The following TAB1 variants were observed in gnomAD, a reference collection of about 807,000 sequenced individuals.
TAB1 encodes TGF-beta-activated kinase 1 and MAP3K7-binding protein 1.
TAB1 carries 30 observed loss-of-function variants against 54.5 expected under a neutral mutation model. The ratio of observed to expected loss-of-function variants is 0.55; its 90% CI spans 0.41 to 0.75. The LOEUF is 0.75. Among genes scored for constraint, TAB1 ranks in the 30% least tolerant of loss-of-function variants. The probability of loss-of-function intolerance (pLI) is 0.00; values close to 1 mark genes in which losing one functional copy is unlikely to be tolerated. For missense variants in TAB1, 609 were observed against 683.2 expected (o/e 0.89, Z 1.21); for synonymous variants, 289 against 286.9 (o/e 1.01, Z -0.07).
At chr22:39,417,610 G>C in intron 4 of TAB1, 101 bp from the exon 5 acceptor site, 1 of 1,245,970 alleles carries the variant, frequency 8.0e-7, no homozygotes, top group Non-Finnish European at 1.1e-6. Flanking sequence ...GACACAGCGA[G>C]ACTCCATCTC....
At chr22:39,412,495 C>T (rs1926650792) in intron 1 of TAB1, among the ~76,000 whole-genome samples, 1 of 152,038 alleles carries the variant, frequency 6.6e-6, no homozygotes, top group Non-Finnish European at 1.5e-5. Flanking sequence ...CACAGATGTG[C>T]GTGCCCCAGA....
chr22:39,417,589 G>A (rs1601692093), intron 4 of TAB1, 122 bp from the exon 5 acceptor site: 6 of 1,012,384 alleles, frequency 5.9e-6, no homozygotes, highest in Non-Finnish European at 8.4e-6. Context: ...CCACTGCACT[G>A]TAGCCTGGGG....
chr22:39,424,515 G>A (rs1927235991), intron 8 of TAB1, among the ~76,000 whole-genome samples: 1 of 148,712 alleles, frequency 6.7e-6, no homozygotes, highest in Non-Finnish European at 1.5e-5. Context: ...TGCAATCTCG[G>A]CTCACTGTAA....
chr22:39,429,117 C>T (rs1740840021), intron 10 of TAB1: 2 of 985,474 alleles, frequency 2.0e-6, no homozygotes, highest in African/African-American at 1.7e-5. Flanking sequence ...CTGTGTTCCT[C>T]ACTCCTTTCA....
At chr22:39,424,214 T>C (rs965896314) in intron 8 of TAB1, among the ~76,000 whole-genome samples, 4 of 152,252 alleles carry the variant, frequency 2.6e-5, no homozygotes, top group Non-Finnish European at 5.9e-5. Flanking sequence ...CCATAGTTTA[T>C]AGATACATTT....
intron 4 of TAB1, 38 bp downstream of exon 4, chr22:39,416,915 A>G (rs752162547): frequency 3.7e-6 from 6 of 1,602,230 alleles, no homozygotes; most frequent in East Asian, 4.5e-5. Flanking sequence ...AGTCAAGTCC[A>G]GGCCCAGCTT....
chr22:39,413,131 G>C (rs1392867218), intron 1 of TAB1, among the ~76,000 whole-genome samples: 1 of 151,838 alleles, frequency 6.6e-6, no homozygotes, highest in Non-Finnish European at 1.5e-5. Context: ...AGCCAGGATG[G>C]TCTCGATCTT....
chr22:39,421,814 T>A lies in TAB1; in HGVS notation c.777-13T>A. ...TTCCAAGCAAAGCTCTTCCTTCCACTCTCTCCCCATAGCGCTGCCAAGTCC... is the reference window on the plus strand; with the variant it reads ...TTCCAAGCAAAGCTCTTCCTTCCACACTCTCCCCATAGCGCTGCCAAGTCC... On this transcript the variant is annotated splice_polypyrimidine_tract_variant and intron_variant, in intron 7 of 10. Transcript: ENST00000216160. The A allele has an allele frequency of 6.2e-7, 1 of 1,613,700 alleles. No individual in the cohort carries two copies. The highest frequency in any genetic ancestry group is 8.5e-7 in the Non-Finnish European group (1 of 1,179,838).
chr22:39,415,971 T>G lies in TAB1; in HGVS notation c.324+318T>G, dbSNP rs1008830141. 6.6e-6 allele frequency among the ~76,000 whole-genome samples: 1 copy of G among 152,166 alleles called. No homozygotes were observed. Among genetic ancestry groups the G allele is most frequent in the Non-Finnish European group, 1.5e-5 (1 of 68,016 alleles). The stretch of plus-strand genomic sequence containing the variant: ...AAATGGGGTCATTTAGAGCTACCCC[T>G]TTCTTTCCTATGTGGTCAGGTGCTC... On this transcript the variant is annotated intron_variant, in intron 3 of 10. Transcript: ENST00000216160. The surrounding 1 kb of genome is among the most constrained non-coding windows in gnomAD (Gnocchi z 4.9).
Position 39,430,120 on chromosome 22 carries a change from G to A in TAB1, c.1413G>A (p.Pro471=), listed in dbSNP as rs145214942. The change falls in exon 11 of 11, where the codon CCG becomes CCA. Residue 471 remains proline (P), a synonymous_variant. Transcript: ENST00000216160. ...GCTCCCGGCCCGCCCACTCGCTCCC[G>A]CCTGGCGAGGACGGTCGTGTTGAGC... ...LFRSRPAHSL[P]PGEDGRVEPY... The A allele has an allele frequency of 8.9e-5, 143 of 1,613,990 alleles. No individual in the cohort carries two copies. Among genetic ancestry groups the A allele is most frequent in the Admixed American group, 6.0e-4 (36 of 60,028 alleles).
At position 39,414,510 on chromosome 22, in the gene TAB1, C is replaced by T. The variant is rs182317569; in HGVS notation, c.34-496C>T. ...TTTCTCCAGGCTGGGTCTTAGGTCA[C>T]CTGAAAGCATCACCCATGGGGAGCG... On this transcript the variant is annotated intron_variant, in intron 1 of 10. Coordinates refer to ENST00000216160, the MANE Select transcript of TAB1 (RefSeq NM_006116.3). Among the ~76,000 whole-genome samples, 3 of 152,350 alleles carry T rather than the reference C, an allele frequency of 2.0e-5. No individual in the cohort carries two copies. The East Asian group carries it at 5.8e-4, about 29-fold the overall frequency.
At chr22:39,418,299 T>A (rs568360326) in intron 5 of TAB1, among the ~76,000 whole-genome samples, 30 of 152,292 alleles carry the variant, frequency 2.0e-4, no homozygotes, top group South Asian at 6.2e-4. Flanking sequence ...TGCCTTTTTT[T>A]AATACTCCAG....
At chr22:39,427,056 G>C in intron 9 of TAB1, 131 bp downstream of exon 9, 3 of 901,666 alleles carry the variant, frequency 3.3e-6, no homozygotes, top group Middle Eastern at 3.5e-4. Flanking sequence ...TCTAATTCAG[G>C]TTCTCTGATT....
intron 7 of TAB1, among the ~76,000 whole-genome samples, chr22:39,420,459 C>T (rs924367425): frequency 6.6e-6 from 1 of 152,196 alleles, no homozygotes; most frequent in Non-Finnish European, 1.5e-5. Flanking sequence ...AATGTCATGG[C>T]CAAGGCTGTT....
At chr22:39,436,073 C>A (rs560769189), downstream of TAB1, among the ~76,000 whole-genome samples, 1 of 152,194 alleles carries the variant, frequency 6.6e-6, no homozygotes, top group South Asian at 2.1e-4. Flanking sequence ...AGGTGGATCA[C>A]CTGAGGTCAG....
intron 9 of TAB1, among the ~76,000 whole-genome samples, chr22:39,427,608 A>G (rs1389293661): frequency 6.6e-6 from 1 of 152,200 alleles, no homozygotes; most frequent in Non-Finnish European, 1.5e-5. Flanking sequence ...AGGCATCCAC[A>G]GACAGATTTG....
chr22:39,412,077 G>A (rs995591081), intron 1 of TAB1, among the ~76,000 whole-genome samples: 10 of 152,120 alleles, frequency 6.6e-5, no homozygotes, highest in Admixed American at 2.0e-4. Context: ...TCACTCCGTC[G>A]CCCAGGCTGG....
At chr22:39,420,984 TCCTGCCCCTCC>T (rs1299776147) in intron 7 of TAB1, among the ~76,000 whole-genome samples, 4 of 148,302 alleles carry the variant, frequency 2.7e-5, no homozygotes, top group Admixed American at 1.3e-4. Flanking sequence ...TGCTGGTGTG[TCCTGCCCCTCC>T]CAGGTGCTGG....
chr22:39,405,847 C>A (rs1926338355), intron 1 of TAB1, among the ~76,000 whole-genome samples: 1 of 152,164 alleles, frequency 6.6e-6, no homozygotes, highest in African/African-American at 2.4e-5. Context: ...ACGGAGAAGA[C>A]CAGATACTCT....
Sources: allele counts gnomAD v4.1 joint callset (sites outside exome capture counted in the v4.1 genomes callset), GRCh38; gene constraint gnomAD v4.1.1; non-coding constraint Gnocchi (gnomAD v3.1); transcripts MANE v1.5; gene names NCBI Gene and HGNC (gene_info 2026-07-23, HGNC 2026-07-21).